The following SRGAP2 variants were observed in gnomAD, a reference collection of about 807,000 sequenced individuals.
SRGAP2 encodes SLIT-ROBO Rho GTPase-activating protein 2.
A neutral mutation model predicts 57.2 loss-of-function variants in SRGAP2; 15 were observed. The ratio of observed to expected loss-of-function variants is 0.26; its 90% CI spans 0.18 to 0.40. The LOEUF is 0.40. Among genes scored for constraint, SRGAP2 ranks in the 10% least tolerant of loss-of-function variants. SRGAP2 has a pLI of 1.00. For synonymous variants in SRGAP2, 249 were observed against 248.0 expected, an observed-to-expected ratio of 1.00 and a Z score of -0.04; for missense variants, 520 against 669.6, an observed-to-expected ratio of 0.78 and a Z score of 2.47.
chr1:206,455,431 C>T (rs1663748652), intron 21 of SRGAP2: 1 of 229,092 alleles, frequency 4.4e-6, no homozygotes, highest in African/African-American at 2.4e-5. Flanking sequence ...TGTCTGTCTT[C>T]CTTGACCCGT....
chr1:206,410,448 C>T (rs546504566), intron 10 of SRGAP2, among the ~76,000 whole-genome samples: 15 of 152,306 alleles, frequency 9.8e-5, no homozygotes, highest in African/African-American at 2.2e-4. Context: ...TACAGGAAAA[C>T]GTACTATAAA....
At chr1:206,240,179 C>T (rs539938524) in intron 2 of SRGAP2, among the ~76,000 whole-genome samples, 66 of 150,902 alleles carry the variant, frequency 4.4e-4, no homozygotes, top group Admixed American at 1.1e-3. Context: ...GGCAGGAGAG[C>T]TGCTTGAACC....
At chr1:206,320,727 G>A (rs1673399861) in intron 3 of SRGAP2, among the ~76,000 whole-genome samples, 1 of 151,416 alleles carries the variant, frequency 6.6e-6, no homozygotes, top group African/African-American at 2.4e-5. Context: ...AAAAATTGCA[G>A]GAATAGCACA....
At chr1:206,231,295 T>TA (rs1169169273) in intron 2 of SRGAP2, among the ~76,000 whole-genome samples, 1 of 151,776 alleles carries the variant, frequency 6.6e-6, no homozygotes, top group Non-Finnish European at 1.5e-5. Flanking sequence ...AACATTCTTT[T>TA]ATTGTATCTC....
chr1:206,335,543 C>T (rs1674711498), intron 3 of SRGAP2, among the ~76,000 whole-genome samples: 1 of 151,882 alleles, frequency 6.6e-6, no homozygotes. Flanking sequence ...AGGAAGTCTG[C>T]AAACATGGGA....
intron 3 of SRGAP2, among the ~76,000 whole-genome samples, chr1:206,318,675 A>C (rs1422952316): frequency 1.3e-5 from 2 of 152,194 alleles, no homozygotes; most frequent in Non-Finnish European, 2.9e-5. Context: ...CAGGAAGCTT[A>C]CAATCATGGC....
chr1:206,348,308 C>G (rs1346080344), intron 4 of SRGAP2, among the ~76,000 whole-genome samples: 1 of 151,324 alleles, frequency 6.6e-6, no homozygotes, highest in Non-Finnish European at 1.5e-5. Context: ...TCTGTTGGAA[C>G]CAGGGTTTGG....
At chr1:206,348,040 C>T (rs1267937580) in intron 4 of SRGAP2, among the ~76,000 whole-genome samples, 5 of 148,656 alleles carry the variant, frequency 3.4e-5, no homozygotes, top group African/African-American at 1.3e-4. Flanking sequence ...ACAATTGGCC[C>T]CTCTATGCTA....
chr1:206,415,601 C>T (rs147878704), intron 10 of SRGAP2, among the ~76,000 whole-genome samples: 29 of 152,292 alleles, frequency 1.9e-4, no homozygotes, highest in South Asian at 4.1e-4. Flanking sequence ...ATCTACCCTC[C>T]CTGCTCTTCC....
rs1671098173 is a variant in SRGAP2, at chr1:206,287,821, T to G, written c.68-15460T>G. On this transcript the variant is annotated intron_variant, in intron 2 of 22. Coordinates refer to ENST00000573034, the MANE Select transcript of SRGAP2 (RefSeq NM_015326.5). ...TAAGATGGGAGAAAATACAGTGTGT[T>G]TGACTGCTGCTGGTAATGAGCCAGT... 2.1e-5 allele frequency among the ~76,000 whole-genome samples: 2 copies of G among 94,978 alleles called. 1 individual carries two copies. Among genetic ancestry groups the G allele is most frequent in the Non-Finnish European group, 3.9e-5 (2 of 51,850 alleles). The allele number at this position is 94,978 out of a possible 152,430, so 62.3% of individuals were successfully genotyped here. A position where few individuals can be genotyped will look rare whatever the true frequency, so the allele number is the denominator to read the frequency against.
At chr1:206,287,230 G>T (rs1354474945) in intron 2 of SRGAP2, among the ~76,000 whole-genome samples, 1 of 152,148 alleles carries the variant, frequency 6.6e-6, no homozygotes, top group Non-Finnish European at 1.5e-5. Flanking sequence ...CTGGGGTGGG[G>T]TCAGGATGGG....
chr1:206,327,445 G>A (rs1674019716), intron 3 of SRGAP2, among the ~76,000 whole-genome samples: 1 of 147,220 alleles, frequency 6.8e-6, no homozygotes, highest in Non-Finnish European at 1.5e-5. Context: ...CATGATTCTA[G>A]TCACTTTGTT....
At chr1:206,356,497 T>G (rs1553339342) in intron 4 of SRGAP2, among the ~76,000 whole-genome samples, 1 of 152,134 alleles carries the variant, frequency 6.6e-6, no homozygotes, top group Non-Finnish European at 1.5e-5. Flanking sequence ...AATTAATGAC[T>G]CATGCATTCT....
At chr1:206,418,622 A>T (rs922420507) in intron 11 of SRGAP2, among the ~76,000 whole-genome samples, 38 of 152,188 alleles carry the variant, frequency 2.5e-4, no homozygotes, top group Non-Finnish European at 4.3e-4. Flanking sequence ...ATATTTTTTT[A>T]AAACATGAGA....
At chr1:206,213,168 G>A (rs1413835712) in intron 2 of SRGAP2, 3 of 152,042 alleles carry the variant, frequency 2.0e-5, no homozygotes, top group Admixed American at 6.5e-5. Flanking sequence ...TGCAGCCTGG[G>A]CAACAAGAGC....
intron 2 of SRGAP2, among the ~76,000 whole-genome samples, chr1:206,253,565 C>A (rs1463568646): frequency 7.7e-6 from 1 of 129,566 alleles, no homozygotes; most frequent in Non-Finnish European, 1.6e-5. Context: ...TTTCTCTTTT[C>A]TTTCTTTCTT....
At chr1:206,327,410 T>A (rs1674014923) in intron 3 of SRGAP2, among the ~76,000 whole-genome samples, 1 of 150,138 alleles carries the variant, frequency 6.7e-6, no homozygotes, top group Admixed American at 6.6e-5. Context: ...TAAAAGGAAT[T>A]TTGAGATGTA....
At chr1:206,444,044 G>A (rs1302662007) in intron 17 of SRGAP2, among the ~76,000 whole-genome samples, 3 of 152,022 alleles carry the variant, frequency 2.0e-5, no homozygotes, top group African/African-American at 7.2e-5. Flanking sequence ...ATAAAAATTA[G>A]CCAGGCGTGG....
intron 4 of SRGAP2, among the ~76,000 whole-genome samples, chr1:206,372,898 C>CCTTTCTTTCTTTCTTTCTTTCTTT (rs1192198662): frequency 3.7e-5 from 1 of 26,728 alleles, no homozygotes; most frequent in Non-Finnish European, 6.8e-5. Context: ...CTTTCTCTCT[C>CCTTTCTTTCTTTCTTTCTTTCTTT]CTTTCTTTCT....
Sources: allele counts gnomAD v4.1 joint callset (sites outside exome capture counted in the v4.1 genomes callset), GRCh38; gene constraint gnomAD v4.1.1; transcripts MANE v1.5; gene names NCBI Gene and HGNC (gene_info 2026-07-23, HGNC 2026-07-21).